KLRK1: variants seen among roughly 807,000 people sequenced by gnomAD.
The protein encoded by KLRK1 is killer cell lectin like receptor K1, also known as NKG2-D type II integral membrane protein.
Under a neutral mutation model 31.3 loss-of-function variants are expected in KLRK1, and 40 were observed. That is an observed-to-expected ratio of 1.28 (90% CI 0.99 to 1.67). KLRK1 has a LOEUF of 1.67. Among genes scored for constraint, KLRK1 ranks in the 40% most tolerant of loss-of-function variants. KLRK1 has a pLI of 0.00. For synonymous variants in KLRK1, 77 were observed against 77.3 expected, an observed-to-expected ratio of 1.00 and a Z score of 0.02; for missense variants, 251 against 260.0, an observed-to-expected ratio of 0.97 and a Z score of 0.24.
rs1331770042 is a variant in KLRK1 at position 10,378,627 on chromosome 12, T to C, written c.356A>G (p.Asn119Ser). The C allele has an allele frequency of 1.9e-6, 3 of 1,611,796 alleles. No homozygotes were observed. Among genetic ancestry groups the C allele is most frequent in the Non-Finnish European group, 2.5e-6 (3 of 1,179,560 alleles). The change falls in exon 6 of 8, where the codon AAC (asparagine) becomes AGC (serine). Residue 119 changes from asparagine to serine, a missense_variant. Asn to Ser is a conservative substitution (Grantham distance 46). Coordinates refer to ENST00000240618, the MANE Select transcript of KLRK1 (RefSeq NM_007360.4). The part of the protein sequence containing the change: ...NCYQFFDESK[N>S]WYESQASCMS... ...ACAAGAAGCCTGGCTCTCATACCAGTTTTTACTCTCATCAAAAAATTGGTA... is the reference window on the plus strand; with the variant it reads ...ACAAGAAGCCTGGCTCTCATACCAGCTTTTACTCTCATCAAAAAATTGGTA...
chr12:10,378,354 C>T (rs1191768143), intron 6 of KLRK1, 119 bp from the exon 7 acceptor site: 1 of 1,310,154 alleles, frequency 7.6e-7, no homozygotes, highest in East Asian at 2.4e-5. Flanking sequence ...TGTCCACTAA[C>T]TGGCATAATT....
intron 7 of KLRK1, among the ~76,000 whole-genome samples, chr12:10,375,798 A>T (rs1395645461): frequency 7.7e-6 from 1 of 129,642 alleles, no homozygotes; most frequent in Non-Finnish European, 1.5e-5. Context: ...ATACTCTAGC[A>T]TTAATCTGGA....
intron 5 of KLRK1, chr12:10,379,084 T>G (rs1380397068): frequency 2.2e-5 from 4 of 183,396 alleles, no homozygotes; most frequent in Non-Finnish European, 4.4e-5. Flanking sequence ...ACCTAGGAGG[T>G]AGAGGTTGCA....
At chr12:10,374,107 A>G (rs974192533) in intron 7 of KLRK1, 1 of 151,798 alleles carries the variant, frequency 6.6e-6, no homozygotes, top group Non-Finnish European at 1.5e-5. Flanking sequence ...TCTGCCTCCC[A>G]AGTTCAAGTG....
Position 10,372,891 on chromosome 12 carries a change from G to A in KLRK1, c.*223C>T, listed in dbSNP as rs17549110. On this transcript the variant is annotated 3_prime_UTR_variant, in exon 8 of 8. Transcript: ENST00000240618. ...TTGTGGTGGGAGAGGCAGCCTTGGG[G>A]ATATCTGAATTGCCTTTAGGATCTC... 6,955 of 469,130 alleles carry A rather than the reference G, an allele frequency of 0.015. 89 individuals are homozygous for A. Among genetic ancestry groups the A allele is most frequent in the Middle Eastern group, 0.022 (38 of 1,742 alleles). The allele number at this position is 469,130 out of a possible 1,614,324, so 29.1% of individuals were successfully genotyped here.
intron 7 of KLRK1, among the ~76,000 whole-genome samples, chr12:10,373,802 T>A (rs1862907858): frequency 6.6e-6 from 1 of 152,198 alleles, no homozygotes; most frequent in Admixed American, 6.5e-5. Flanking sequence ...AGTTATATGA[T>A]TAATAATGAT....
chr12:10,385,181 G>T (rs1904123), intron 3 of KLRK1, among the ~76,000 whole-genome samples: 87,475 of 151,720 alleles, frequency 0.58, 27,349 homozygotes, highest in Non-Finnish European at 0.7. Flanking sequence ...ACAGTATGGA[G>T]GTCCCTTAAA....
intron 7 of KLRK1, among the ~76,000 whole-genome samples, chr12:10,376,297 T>TAATA (rs1555118884): frequency 6.6e-6 from 1 of 151,522 alleles, no homozygotes; most frequent in Non-Finnish European, 1.5e-5. Context: ...GTCTAGTCCA[T>TAATA]AACACTGATG....
At chr12:10,389,226 G>A (rs1452734126) in intron 1 of KLRK1, among the ~76,000 whole-genome samples, 2 of 152,084 alleles carry the variant, frequency 1.3e-5, no homozygotes, top group Non-Finnish European at 2.9e-5. Flanking sequence ...CTAAGATCAA[G>A]TGTTTCCAGT....
chr12:10,377,337 T>G (rs1862985927), intron 7 of KLRK1, among the ~76,000 whole-genome samples: 1 of 152,222 alleles, frequency 6.6e-6, no homozygotes, highest in Admixed American at 6.5e-5. Flanking sequence ...AAGAAAGATT[T>G]CGTTAATATG....
rs1403686374 is a variant in KLRK1 at position 10,379,455 on chromosome 12, G to T, written c.269C>A (p.Pro90His). ...TTTAAAAATTCACTTACCGGTCAAG[G>T]GAATTTGAACTTCTTGGTTGAATAA... is the stretch of plus-strand genomic sequence containing the variant. ...NSLFNQEVQI[P>H]LTESYCGPCP... Residue 90 changes from proline to histidine, a missense_variant, in exon 5 of 8, where the codon CCC (proline) becomes CAC (histidine). Physicochemically the swap from Pro to His is moderately conservative, Grantham distance 77. Transcript: ENST00000240618. The T allele has an allele frequency of 4.1e-6, 6 of 1,465,022 alleles. No individual in the cohort carries two copies. In the Middle Eastern group the frequency reaches 8.9e-4, roughly 217 times the overall value. The allele number at this position is 1,465,022 out of a possible 1,614,324, so 90.8% of individuals were successfully genotyped here.
chr12:10,386,625 A>G (rs967428312), intron 3 of KLRK1, among the ~76,000 whole-genome samples: 2 of 151,678 alleles, frequency 1.3e-5, no homozygotes, highest in Non-Finnish European at 2.9e-5. Context: ...TTTCATTTCT[A>G]TTTAGTTTTC....
chr12:10,378,286 A>T, intron 6 of KLRK1, 51 bp from the exon 7 acceptor site: 3 of 1,564,074 alleles, frequency 1.9e-6, no homozygotes, highest in Non-Finnish European at 2.6e-6. Flanking sequence ...TGATAATTTT[A>T]GTAAACGCAA....
intron 7 of KLRK1, among the ~76,000 whole-genome samples, chr12:10,377,005 CAG>C (rs1405650912): frequency 6.6e-6 from 1 of 152,032 alleles, no homozygotes; most frequent in African/African-American, 2.4e-5. Flanking sequence ...TTAGTAGAGA[CAG>C]GGTTTCACTG....
At position 10,378,602 on chromosome 12, in the gene KLRK1, A is replaced by G. The variant is rs1863009338; in HGVS notation, c.381T>C (p.Cys127=). The change falls in exon 6 of 8, where the codon TGT becomes TGC. Residue 127 remains cysteine (C), a synonymous_variant. Coordinates refer to ENST00000240618, the MANE Select transcript of KLRK1 (RefSeq NM_007360.4). Reference sequence around the variant, plus strand: ...TCAGAAGGCTGGCATTTTGAGACATACAAGAAGCCTGGCTCTCATACCAGT... The same window carrying G: ...TCAGAAGGCTGGCATTTTGAGACATGCAAGAAGCCTGGCTCTCATACCAGT... ...SKNWYESQAS[C]MSQNASLLKV... 1.2e-6 allele frequency: 2 copies of G among 1,612,160 alleles called. No individual in the cohort carries two copies.
At chr12:10,380,669 C>A (rs985771225) in intron 3 of KLRK1, among the ~76,000 whole-genome samples, 1 of 152,152 alleles carries the variant, frequency 6.6e-6, no homozygotes, top group African/African-American at 2.4e-5. Flanking sequence ...AGGAGCTCCC[C>A]AGCAGTCCAC....
chr12:10,377,023 G>A (rs1218833200), intron 7 of KLRK1, among the ~76,000 whole-genome samples: 7 of 152,036 alleles, frequency 4.6e-5, no homozygotes, highest in Non-Finnish European at 1.5e-5. Context: ...CACTGCATTG[G>A]CCAGGTTGGT....
chr12:10,381,516 A>G (rs952086482), intron 3 of KLRK1, among the ~76,000 whole-genome samples: 3 of 152,186 alleles, frequency 2.0e-5, no homozygotes, highest in African/African-American at 7.2e-5. Context: ...ATCAAACATT[A>G]TGGCTACAGA....
intron 3 of KLRK1, chr12:10,381,936 T>C (rs1273474589): frequency 1.3e-5 from 2 of 152,218 alleles, no homozygotes; most frequent in East Asian, 1.9e-4. Context: ...CCCCACCACA[T>C]TGGAACACAG....
Sources: gnomAD v4.1 joint callset for allele counts (sites outside exome capture counted in the v4.1 genomes callset) on GRCh38, gnomAD v4.1.1 for gene constraint, MANE v1.5 for transcripts, NCBI Gene and HGNC (gene_info 2026-07-23, HGNC 2026-07-21) for gene names.